Variants in PIKFYVE observed in about 807,000 individuals in gnomAD.
The protein encoded by PIKFYVE is phosphoinositide kinase, FYVE-type zinc finger containing, also known as 1-phosphatidylinositol 3-phosphate 5-kinase.
In PIKFYVE, 122 loss-of-function variants were observed where a neutral mutation model predicts 257.9. The observed-to-expected ratio is 0.47, with a 90% CI of 0.41 to 0.55. The LOEUF (loss-of-function observed/expected upper bound fraction) is 0.55, where lower values mean the gene tolerates loss of function less well. Ranked by LOEUF, PIKFYVE falls within the 20% of genes least tolerant of loss-of-function variation. The pLI is 0.00. For synonymous variants in PIKFYVE, 892 were observed against 868.9 expected, an observed-to-expected ratio of 1.03 and a Z score of -0.47; for missense variants, 2,160 against 2,536.6, an observed-to-expected ratio of 0.85 and a Z score of 3.19.
intron 12 of PIKFYVE, among the ~76,000 whole-genome samples, chr2:208,310,304 T>G (rs1694807054): frequency 6.6e-6 from 1 of 152,216 alleles, no homozygotes; most frequent in African/African-American, 2.4e-5. Context: ...ATTAAATATT[T>G]TCTTATGGAT....
In PIKFYVE at chr2:208,300,951, A is replaced by G; in HGVS notation, c.1065A>G (p.Leu355=). The G allele has an allele frequency of 1.2e-6, 2 of 1,614,110 alleles. No homozygotes were observed. The highest frequency in any genetic ancestry group is 1.7e-4 in the Middle Eastern group (1 of 6,060). ...ERKILLDSVQ[L]KDLWKKICHH... is the part of the protein sequence containing the mutation. Reference sequence around the variant, plus strand: ...TGTGATTGCAGGACAGTGTGCAGTTAAAAGACCTGTGGAAAAAAATCTGCC... The same window carrying G: ...TGTGATTGCAGGACAGTGTGCAGTTGAAAGACCTGTGGAAAAAAATCTGCC... Residue 355 remains leucine, a synonymous_variant, in exon 9 of 42, where the codon TTA becomes TTG. Transcript: ENST00000264380.
chr2:208,330,092 T>C (rs1198681989), intron 22 of PIKFYVE, among the ~76,000 whole-genome samples, 179 bp downstream of exon 22: 1 of 152,178 alleles, frequency 6.6e-6, no homozygotes, highest in African/African-American at 2.4e-5. Context: ...AACTGAGATC[T>C]CTTATCCAGA....
chr2:208,296,802 T>C (rs912502031), intron 7 of PIKFYVE, among the ~76,000 whole-genome samples: 13 of 152,094 alleles, frequency 8.5e-5, no homozygotes, highest in African/African-American at 1.4e-4. Context: ...GCTGCTGATA[T>C]GTTAAGTAAG....
intron 1 of PIKFYVE, among the ~76,000 whole-genome samples, chr2:208,271,053 A>C (rs1003995127): frequency 1.4e-4 from 21 of 151,572 alleles, no homozygotes; most frequent in Admixed American, 1.1e-3. Context: ...AAAAAAAAAA[A>C]GTTGAAATAA....
chr2:208,338,605 T>C (rs759871691), intron 29 of PIKFYVE, 37 bp downstream of exon 29: 2 of 1,577,992 alleles, frequency 1.3e-6, no homozygotes, highest in Non-Finnish European at 8.7e-7. Flanking sequence ...TGCCGTAGGA[T>C]TTAAAGAAAT....
At chr2:208,314,971 G>A (rs1360780481) in intron 14 of PIKFYVE, among the ~76,000 whole-genome samples, 1 of 151,986 alleles carries the variant, frequency 6.6e-6, no homozygotes, top group Non-Finnish European at 1.5e-5. Context: ...TTTCATTTCA[G>A]TCAATTGCAG....
At chr2:208,323,777 T>G (rs1696590049) in intron 17 of PIKFYVE, among the ~76,000 whole-genome samples, 1 of 152,180 alleles carries the variant, frequency 6.6e-6, no homozygotes, top group Non-Finnish European at 1.5e-5. Flanking sequence ...ACATGTTGTT[T>G]CCTGACTTTT....
rs745590610 is a variant in PIKFYVE, at chr2:208,324,943, A to C, written c.2364A>C (p.Gln788His). The C allele has an allele frequency of 1.2e-6, 2 of 1,613,938 alleles. No individual in the cohort carries two copies. The highest frequency in any genetic ancestry group is 2.7e-5 in the African/African-American group (2 of 74,918). ...TGGAACGAATCAGTCGAATGACCCA[A>C]GGTGATTTAGTGATGTCAATGGACC... ...QVLERISRMT[Q>H]GDLVMSMDQL... The change falls in exon 19 of 42, where the codon CAA (glutamine) becomes CAC (histidine). Residue 788 changes from glutamine (Q) to histidine (H), a missense_variant. By Grantham distance (24) the Gln-to-His change is conservative. This residue lies in a region of PIKFYVE where 346 missense variants were observed against 365.6 expected (regional missense o/e 0.95). Coordinates refer to ENST00000264380, the MANE Select transcript of PIKFYVE (RefSeq NM_015040.4).
intron 20 of PIKFYVE, 60 bp downstream of exon 20, chr2:208,326,489 A>T: frequency 6.5e-7 from 1 of 1,547,530 alleles, no homozygotes; most frequent in Non-Finnish European, 8.9e-7. Context: ...TGACTCCTCA[A>T]AGGCAGGCTA....
intron 23 of PIKFYVE, among the ~76,000 whole-genome samples, chr2:208,331,043 A>T (rs1697483493): frequency 6.6e-6 from 1 of 152,188 alleles, no homozygotes; most frequent in South Asian, 2.1e-4. Context: ...TGAAAAAAAG[A>T]ATAAGGAATG....
At position 208,277,395 on chromosome 2, in the gene PIKFYVE, G is replaced by T. The variant is rs1690252332; in HGVS notation, c.442-142G>T. On this transcript the variant is annotated intron_variant, in intron 4 of 41. Transcript: ENST00000264380. ...ATTTGTTCTTCTTCAAGATTGTCTTGGTTATTTTGACCTTTCGTATTCCCA... is the reference window on the plus strand; with the variant it reads ...ATTTGTTCTTCTTCAAGATTGTCTTTGTTATTTTGACCTTTCGTATTCCCA... 1.1e-5 allele frequency: 9 copies of T among 826,732 alleles called. No individual in the cohort carries two copies. In the South Asian group the frequency reaches 1.4e-4, roughly 13 times the overall value. The allele number at this position is 826,732 out of a possible 1,614,324, so 51.2% of individuals were successfully genotyped here.
At chr2:208,282,205 C>G (rs1690901503) in intron 5 of PIKFYVE, among the ~76,000 whole-genome samples, 1 of 152,178 alleles carries the variant, frequency 6.6e-6, no homozygotes, top group African/African-American at 2.4e-5. Context: ...CCACATTACA[C>G]AATGGACTAT....
chr2:208,267,377 T>C (rs1688778708), intron 1 of PIKFYVE, among the ~76,000 whole-genome samples: 1 of 152,222 alleles, frequency 6.6e-6, no homozygotes, highest in African/African-American at 2.4e-5. Context: ...GTTCTCCCTT[T>C]TTCTGCTTTC....
chr2:208,339,610 A>C, intron 30 of PIKFYVE, 55 bp downstream of exon 30: 1 of 1,592,766 alleles, frequency 6.3e-7, no homozygotes, highest in Non-Finnish European at 8.6e-7. Context: ...TGAAAGATAT[A>C]TCATTGATTT....
At chr2:208,348,648 T>TGTG in intron 35 of PIKFYVE, among the ~76,000 whole-genome samples, 1 of 120,950 alleles carries the variant, frequency 8.3e-6, no homozygotes, top group Non-Finnish European at 1.8e-5. Context: ...ATCTACCTCA[T>TGTG]TGTGTTTGGG....
rs370912115 is a variant in PIKFYVE, at chr2:208,315,315, C to A, written c.1949C>A (p.Pro650His). 1 of 1,614,160 alleles carries A rather than the reference C, an allele frequency of 6.2e-7. No homozygotes were observed. Among genetic ancestry groups the A allele is most frequent in the South Asian group, 1.1e-5 (1 of 91,084 alleles). Residue 650 changes from proline (P) to histidine (H), a missense_variant, in exon 15 of 42, where the codon CCT (proline) becomes CAT (histidine). Physicochemically the swap from Pro to His is moderately conservative, Grantham distance 77. Transcript: ENST00000264380. Reference sequence around the variant, plus strand: ...TGCCAGGTTGTTCAGACAGTCCGACCTGATGTCAAGAACCAGGATGATGAC... The same window carrying A: ...TGCCAGGTTGTTCAGACAGTCCGACATGATGTCAAGAACCAGGATGATGAC... Reference protein sequence around the residue: ...LVCQVVQTVRPDVKNQDDDMD... With the variant: ...LVCQVVQTVRHDVKNQDDDMD...
intron 20 of PIKFYVE, among the ~76,000 whole-genome samples, chr2:208,327,052 C>T (rs1440862621): frequency 6.6e-6 from 1 of 152,028 alleles, no homozygotes; most frequent in East Asian, 1.9e-4. Context: ...TGTCCAATTT[C>T]GCCAGTAGTC....
intron 32 of PIKFYVE, 57 bp downstream of exon 32, chr2:208,342,706 TTAA>T: frequency 7.4e-7 from 1 of 1,359,834 alleles, no homozygotes. Context: ...TGTATGTCTA[TTAA>T]TCCCTTATTT....
rs886055531 is a variant in PIKFYVE, at chr2:208,304,998, C to A, written c.1621C>A (p.Pro541Thr). Residue 541 changes from proline (P) to threonine (T), a missense_variant, in exon 12 of 42, where the codon CCT becomes ACT. Around this residue, in one of 12 missense-constraint regions of PIKFYVE, gnomAD observed 346 missense variants for 365.6 expected, o/e 0.95. Transcript: ENST00000264380. ...PSKYPHVPPHPADQKEYLISD... is the reference protein window; with the variant it reads ...PSKYPHVPPHTADQKEYLISD... Reference sequence around the variant, plus strand: ...CAAGTACCCACATGTGCCCCCTCACCCTGCTGACCAAAAAGGTAGGAGGTA... The same window carrying A: ...CAAGTACCCACATGTGCCCCCTCACACTGCTGACCAAAAAGGTAGGAGGTA... 57 of 1,614,008 alleles carry A rather than the reference C, an allele frequency of 3.5e-5. No homozygotes were observed. The highest frequency in any genetic ancestry group is 4.6e-5 in the Non-Finnish European group (54 of 1,180,022).
Sources: allele counts gnomAD v4.1 joint callset (sites outside exome capture counted in the v4.1 genomes callset), GRCh38; gene constraint gnomAD v4.1.1; regional missense constraint gnomAD v4.1.1; transcripts MANE v1.5; gene names NCBI Gene and HGNC (gene_info 2026-07-23, HGNC 2026-07-21).